PTPRD: variants seen among roughly 807,000 people sequenced by gnomAD.
The protein encoded by PTPRD is receptor-type tyrosine-protein phosphatase delta.
Under a neutral mutation model 214.5 loss-of-function variants are expected in PTPRD, and 34 were observed. The observed-to-expected ratio is 0.16, with a 90% CI of 0.12 to 0.21. PTPRD has a LOEUF of 0.21. PTPRD is among the 10% of genes least tolerant of loss of function. The pLI is 1.00. For synonymous variants in PTPRD, 1,128 were observed against 845.7 expected (o/e 1.33, Z -5.79); for missense variants, 2,545 against 2,398.7 (o/e 1.06, Z -1.27).
At chr9:8,866,520 A>T (rs2098198688) in intron 11 of PTPRD, among the ~76,000 whole-genome samples, 1 of 152,140 alleles carries the variant, frequency 6.6e-6, no homozygotes, top group South Asian at 2.1e-4. Context: ...CCCATGCTAA[A>T]AAAAACCTCA....
At chr9:9,914,228 G>T (rs2080028842) in intron 5 of PTPRD, among the ~76,000 whole-genome samples, 1 of 152,186 alleles carries the variant, frequency 6.6e-6, no homozygotes, top group Non-Finnish European at 1.5e-5. Flanking sequence ...CAGGGTCTGA[G>T]AAACAGCCCC....
At chr9:10,310,899 T>C (rs1018536213) in intron 3 of PTPRD, among the ~76,000 whole-genome samples, 20 of 152,032 alleles carry the variant, frequency 1.3e-4, no homozygotes, top group African/African-American at 4.3e-4. Flanking sequence ...CAAAAGAACT[T>C]TGAGAACAAG....
chr9:9,201,678 T>G (rs1284591613), intron 9 of PTPRD, among the ~76,000 whole-genome samples: 2 of 152,210 alleles, frequency 1.3e-5, no homozygotes, highest in Admixed American at 1.3e-4. Context: ...TGTCTTACAA[T>G]ATTCTCAATG....
intron 12 of PTPRD, among the ~76,000 whole-genome samples, chr9:8,716,080 C>G (rs1392066059): frequency 6.6e-6 from 1 of 152,304 alleles, no homozygotes; most frequent in African/African-American, 2.4e-5. Flanking sequence ...AAAAAAGGAG[C>G]TCCAGCAACC....
At chr9:10,591,087 G>A (rs1484160426) in intron 2 of PTPRD, among the ~76,000 whole-genome samples, 2 of 151,496 alleles carry the variant, frequency 1.3e-5, no homozygotes, top group Non-Finnish European at 2.9e-5. Context: ...ATTCCAATAT[G>A]GCCCCAAAGA....
intron 14 of PTPRD, among the ~76,000 whole-genome samples, chr9:8,594,992 A>G (rs1481436563): frequency 2.0e-5 from 3 of 150,128 alleles, no homozygotes; most frequent in Non-Finnish European, 2.9e-5. Flanking sequence ...ACTCCTGAGT[A>G]GCTGGAACTA....
At chr9:8,917,585 T>A (rs1706398232) in intron 11 of PTPRD, among the ~76,000 whole-genome samples, 1 of 152,170 alleles carries the variant, frequency 6.6e-6, no homozygotes, top group South Asian at 2.1e-4. Context: ...TACTTTTCTC[T>A]CCTTTCTTTT....
intron 8 of PTPRD, among the ~76,000 whole-genome samples, chr9:9,511,106 G>T (rs1354685507): frequency 1.3e-5 from 2 of 151,736 alleles, no homozygotes; most frequent in Non-Finnish European, 1.5e-5. Flanking sequence ...AAATGTGTGT[G>T]ATTTGCAGAT....
chr9:9,291,154 G>C (rs762886009), intron 9 of PTPRD, among the ~76,000 whole-genome samples: 1 of 151,394 alleles, frequency 6.6e-6, no homozygotes, highest in Admixed American at 6.6e-5. Flanking sequence ...CATTTCTGAG[G>C]CATATGTATG....
intron 4 of PTPRD, among the ~76,000 whole-genome samples, chr9:9,985,594 A>G: frequency 6.6e-6 from 1 of 152,126 alleles, no homozygotes; most frequent in South Asian, 2.1e-4. Flanking sequence ...CAAACAACTG[A>G]TTTATAATAA....
chr9:10,118,136 A>G (rs1415731310), intron 3 of PTPRD, among the ~76,000 whole-genome samples: 1 of 151,964 alleles, frequency 6.6e-6, no homozygotes, highest in African/African-American at 2.4e-5. Context: ...TGGCCATGAT[A>G]AGGGAAGCAT....
intron 4 of PTPRD, among the ~76,000 whole-genome samples, chr9:10,002,866 C>A (rs1192369177): frequency 1.3e-5 from 2 of 151,294 alleles, no homozygotes; most frequent in Admixed American, 6.6e-5. Context: ...ATACACTAGC[C>A]GAATACACAA....
intron 8 of PTPRD, among the ~76,000 whole-genome samples, chr9:9,518,055 G>A (rs925502404): frequency 6.6e-6 from 1 of 151,926 alleles, no homozygotes; most frequent in Non-Finnish European, 1.5e-5. Context: ...GATAAACATT[G>A]ATACTTTTAT....
intron 2 of PTPRD, among the ~76,000 whole-genome samples, chr9:10,511,969 T>TGTGTGTATATATATATATAC (rs1566641224): frequency 3.1e-4 from 16 of 51,684 alleles, no homozygotes; most frequent in Non-Finnish European, 4.6e-4. Context: ...TATATATACG[T>TGTGTGTATATATATATATAC]GTGTGTGTAT....
chr9:8,528,471 G>T (rs2074808683), intron 15 of PTPRD, 120 bp downstream of exon 15: 2 of 886,664 alleles, frequency 2.3e-6, no homozygotes, highest in African/African-American at 1.7e-5. Context: ...CAGAGAAAGA[G>T]AAGAGGGAGA....
Position 10,055,882 on chromosome 9 carries a change from A to AT in PTPRD, c.-544-22093_-544-22092insA, listed in dbSNP as rs1567363300. The stretch of plus-strand genomic sequence containing the variant: ...CATTATGTGTGTGTATATATATATA[A>AT]ATGTATAATGTATAAATGAGTGTGT... On this transcript the variant is annotated intron_variant, in intron 3 of 45. Transcript: ENST00000381196. 3.2e-3 allele frequency among the ~76,000 whole-genome samples: 484 copies of AT among 150,846 alleles called. 2 individuals are homozygous for AT. Among genetic ancestry groups the AT allele is most frequent in the South Asian group, 8.1e-3 (39 of 4,788 alleles).
intron 8 of PTPRD, among the ~76,000 whole-genome samples, chr9:9,454,705 A>G (rs1466225479): frequency 6.6e-6 from 1 of 151,730 alleles, no homozygotes; most frequent in Non-Finnish European, 1.5e-5. Context: ...ATATTTGTAT[A>G]GCTATTTTGC....
At chr9:9,237,544 C>G (rs1569565239) in intron 9 of PTPRD, among the ~76,000 whole-genome samples, 1 of 152,134 alleles carries the variant, frequency 6.6e-6, no homozygotes, top group Non-Finnish European at 1.5e-5. Flanking sequence ...AGTAATTACC[C>G]TAGACCACCA....
intron 11 of PTPRD, among the ~76,000 whole-genome samples, chr9:8,907,056 C>CT (rs1292265575): frequency 3.3e-5 from 5 of 152,062 alleles, no homozygotes; most frequent in Admixed American, 2.6e-4. Context: ...ACATATGTAT[C>CT]TATCAGCAGA....
Sources: gnomAD v4.1 joint callset for allele counts (sites outside exome capture counted in the v4.1 genomes callset) on GRCh38, gnomAD v4.1.1 for gene constraint, MANE v1.5 for transcripts, NCBI Gene and HGNC (gene_info 2026-07-23, HGNC 2026-07-21) for gene names.